MEIS2: variants seen among roughly 807,000 people sequenced by gnomAD.
MEIS2 encodes the protein Meis homeobox 2.
Under a neutral mutation model 58.6 loss-of-function variants are expected in MEIS2, and 9 were observed. The ratio of observed to expected loss-of-function variants is 0.15; its 90% confidence interval spans 0.09 to 0.27. The LOEUF (loss-of-function observed/expected upper bound fraction) is 0.27, where lower values mean the gene tolerates loss of function less well. Ranked by LOEUF, MEIS2 falls within the 10% of genes least tolerant of loss-of-function variation. The pLI is 1.00. For synonymous variants in MEIS2, 221 were observed against 228.4 expected (o/e 0.97, Z 0.29); for missense variants, 427 against 635.0 (o/e 0.67, Z 3.52).
intron 9 of MEIS2, among the ~76,000 whole-genome samples, chr15:36,905,545 G>T (rs2056690924): frequency 6.6e-6 from 1 of 152,034 alleles, no homozygotes; most frequent in Non-Finnish European, 1.5e-5. Context: ...TGAGAGACTG[G>T]GTTTGGCATG....
At chr15:37,079,222 A>AT (rs1891867539) in intron 7 of MEIS2, among the ~76,000 whole-genome samples, 1 of 152,096 alleles carries the variant, frequency 6.6e-6, no homozygotes, top group Admixed American at 6.6e-5. Flanking sequence ...GTCTCACAGA[A>AT]TTTTTTTGAC....
chr15:37,044,981 A>G (rs1164098426), intron 7 of MEIS2, among the ~76,000 whole-genome samples: 1 of 152,200 alleles, frequency 6.6e-6, no homozygotes, highest in Non-Finnish European at 1.5e-5. Context: ...CCCAGGAAAG[A>G]GATTCCCTGG....
intron 11 of MEIS2, among the ~76,000 whole-genome samples, chr15:36,893,969 ACT>A (rs1463926656): frequency 4.1e-4 from 63 of 152,278 alleles, no homozygotes; most frequent in East Asian, 1.2e-3. Context: ...TTGTTGGCAG[ACT>A]CTGAATTTTT....
chr15:36,969,116 A>G (rs2059450431), intron 8 of MEIS2, among the ~76,000 whole-genome samples: 1 of 152,162 alleles, frequency 6.6e-6, no homozygotes, highest in African/African-American at 2.4e-5. Flanking sequence ...ATCAGCCACA[A>G]CCTTCCTAAT....
At chr15:37,058,330 G>A (rs949357827) in intron 7 of MEIS2, among the ~76,000 whole-genome samples, 2 of 152,130 alleles carry the variant, frequency 1.3e-5, no homozygotes, top group African/African-American at 4.8e-5. Flanking sequence ...ACACAGGGTG[G>A]GAGTAATAGT....
At chr15:36,950,239 G>GA (rs11293336) in intron 9 of MEIS2, 85 bp downstream of exon 9, 63,270 of 997,506 alleles carry the variant, frequency 0.063, 3 homozygotes, top group Non-Finnish European at 0.072. Flanking sequence ...ATTTGTTTTA[G>GA]AAAAAAAAAA....
At chr15:37,045,930 C>T (rs954774221) in intron 7 of MEIS2, among the ~76,000 whole-genome samples, 2 of 152,148 alleles carry the variant, frequency 1.3e-5, no homozygotes, top group Admixed American at 6.5e-5. Context: ...AAGTCTTCAT[C>T]GGCTTACCTC....
intron 6 of MEIS2, among the ~76,000 whole-genome samples, chr15:37,086,265 T>A: frequency 6.6e-6 from 1 of 152,196 alleles, no homozygotes; most frequent in East Asian, 1.9e-4. Flanking sequence ...TCTGTTTAGG[T>A]GCTGCATTGA....
At chr15:36,966,520 A>T (rs11852993) in intron 8 of MEIS2, among the ~76,000 whole-genome samples, 96 of 151,910 alleles carry the variant, frequency 6.3e-4, no homozygotes, top group African/African-American at 2.2e-3. Flanking sequence ...CTTGAAGGAG[A>T]TACTGAATCA....
In MEIS2 at chr15:36,892,342, C is replaced by A. The variant is rs1340627805; in HGVS notation, c.1265G>T (p.Gly422Val). The change falls in exon 12 of 12, where the codon GGA becomes GTA. Residue 422 changes from glycine (G) to valine (V), a missense_variant. Transcript: ENST00000561208. Reference protein sequence around the residue: ...MTPHPTQLRHGPPMHSYLPSH... With the variant: ...MTPHPTQLRHVPPMHSYLPSH... Reference sequence around the variant, plus strand: ...TGGCAAATATGAATGCATTGGGGGTCCATGTCTTAATTGAGTAGGGTGTGG... The same window carrying A: ...TGGCAAATATGAATGCATTGGGGGTACATGTCTTAATTGAGTAGGGTGTGG... The A allele has an allele frequency of 6.2e-7, 1 of 1,613,738 alleles. No individual in the cohort carries two copies. The highest frequency in any genetic ancestry group is 1.7e-5 in the Admixed American group (1 of 59,980).
chr15:37,062,141 G>A (rs1889301057), intron 7 of MEIS2, among the ~76,000 whole-genome samples: 1 of 152,106 alleles, frequency 6.6e-6, no homozygotes, highest in African/African-American at 2.4e-5. Context: ...GCCCAGGTAA[G>A]GCAGTGTGAC....
At chr15:36,992,753 GCAAA>G (rs1218480863) in intron 8 of MEIS2, among the ~76,000 whole-genome samples, 1 of 151,736 alleles carries the variant, frequency 6.6e-6, no homozygotes, top group African/African-American at 2.4e-5. Context: ...ATTTCATTTT[GCAAA>G]CAATCTGGAA....
chr15:36,981,638 T>C (rs2059930754), intron 8 of MEIS2, among the ~76,000 whole-genome samples: 1 of 152,136 alleles, frequency 6.6e-6, no homozygotes. Context: ...ATCTACTCTG[T>C]GATGGTTAAT....
At position 37,099,810 on chromosome 15, in the gene MEIS2, AAAAG is replaced by A. The variant is rs200946390; in HGVS notation, c.-348_-345del. The stretch of plus-strand genomic sequence containing the variant: ...CTTCTCTTCCCCTCAGTTGGAAAAA[AAAAG>A]AAAGAAAAGAAAAAGAAGAAAAAGA... On this transcript the variant is annotated 5_prime_UTR_variant, in exon 1 of 12. Coordinates refer to ENST00000561208, the MANE Select transcript of MEIS2 (RefSeq NM_170675.5). 3.5e-3 allele frequency: 881 copies of A among 252,158 alleles called. 5 individuals are homozygous for A. The highest frequency in any genetic ancestry group is 0.024 in the African/African-American group (796 of 33,542). 15.6% of individuals were successfully genotyped at this position (252,158 alleles called of 1,614,324 possible).
intron 8 of MEIS2, among the ~76,000 whole-genome samples, chr15:37,030,528 G>C (rs2061873939): frequency 1.3e-5 from 2 of 152,100 alleles, no homozygotes; most frequent in South Asian, 4.2e-4. Context: ...GTAGAGACGA[G>C]GTTTCACCAT....
chr15:36,972,214 A>G (rs1567126989), intron 8 of MEIS2, among the ~76,000 whole-genome samples: 1 of 152,184 alleles, frequency 6.6e-6, no homozygotes, highest in Non-Finnish European at 1.5e-5. Context: ...TTATGATAAG[A>G]TGTAGTAGGA....
chr15:36,965,382 A>G lies in MEIS2; in HGVS notation c.901-14982T>C, dbSNP rs541646296. ...TATATGAGGTCTACAGTTGCCATCA[A>G]AACAATGCAAGGCAATGAATTTCTA... On this transcript the variant is annotated intron_variant, in intron 8 of 11. Coordinates refer to ENST00000561208, the MANE Select transcript of MEIS2 (RefSeq NM_170675.5). Among the ~76,000 whole-genome samples, 9 of 152,342 alleles carry G rather than the reference A, an allele frequency of 5.9e-5. No homozygotes were observed. The East Asian group carries it at 1.4e-3, about 23-fold the overall frequency.
chr15:37,012,359 T>C (rs2061194038), intron 8 of MEIS2, among the ~76,000 whole-genome samples: 1 of 152,194 alleles, frequency 6.6e-6, no homozygotes, highest in Non-Finnish European at 1.5e-5. Context: ...CATAGATTGC[T>C]AAGAAAGAAG....
intron 9 of MEIS2, among the ~76,000 whole-genome samples, chr15:36,949,760 C>T (rs537009184): frequency 6.6e-6 from 1 of 151,874 alleles, no homozygotes; most frequent in Non-Finnish European, 1.5e-5. Flanking sequence ...CCCTCTAAGC[C>T]GTGTACAAAG....
Sources: allele counts gnomAD v4.1 joint callset (sites outside exome capture counted in the v4.1 genomes callset), GRCh38; gene constraint gnomAD v4.1.1; transcripts MANE v1.5; gene names NCBI Gene and HGNC (gene_info 2026-07-23, HGNC 2026-07-21).